Variants in PIGF observed in about 807,000 individuals in gnomAD.
PIGF encodes the protein GPI ethanolamine phosphate transferase, stabilizing subunit.
In PIGF, 23 loss-of-function variants were observed where a neutral mutation model predicts 26.0. The observed-to-expected ratio is 0.88, with a 90% confidence interval of 0.64 to 1.25. The LOEUF (loss-of-function observed/expected upper bound fraction) is 1.25, where lower values mean the gene tolerates loss of function less well. Ranked by LOEUF, PIGF falls within the 50% of genes most tolerant of loss-of-function variation. The pLI is 0.00. For synonymous variants in PIGF, 93 were observed against 92.6 expected (o/e 1.00, Z -0.03); for missense variants, 278 against 249.9 (o/e 1.11, Z -0.76).
intron 4 of PIGF, among the ~76,000 whole-genome samples, chr2:46,610,865 A>G (rs1016592857): frequency 2.6e-5 from 4 of 152,154 alleles, no homozygotes; most frequent in Non-Finnish European, 5.9e-5. Context: ...TAAGTCGGTA[A>G]TTTATGAAGC....
At chr2:46,585,779 C>CT (rs141047970) in intron 5 of PIGF, among the ~76,000 whole-genome samples, 2,188 of 146,434 alleles carry the variant, frequency 0.015, 20 homozygotes, top group Non-Finnish European at 0.024. Context: ...AAGCAATCAT[C>CT]TTTTTTTTTT....
intron 5 of PIGF, among the ~76,000 whole-genome samples, chr2:46,590,321 A>C (rs908484332): frequency 6.6e-6 from 1 of 152,158 alleles, no homozygotes; most frequent in African/African-American, 2.4e-5. Context: ...ATCAGCTAAA[A>C]GCCTGAACAA....
At chr2:46,593,845 C>G (rs1256598431) in intron 4 of PIGF, among the ~76,000 whole-genome samples, 3 of 152,196 alleles carry the variant, frequency 2.0e-5, no homozygotes, top group Non-Finnish European at 4.4e-5. Flanking sequence ...CCAATTATTA[C>G]ACGCAAAATG....
chr2:46,613,264 A>T (rs1385660180), intron 3 of PIGF, among the ~76,000 whole-genome samples: 2 of 152,200 alleles, frequency 1.3e-5, no homozygotes, highest in African/African-American at 4.8e-5. Flanking sequence ...CCTTTAAACT[A>T]TAAACACCAG....
rs7589801 is a variant in PIGF, at chr2:46,589,103, A to C, written c.546+3372T>G. On this transcript the variant is annotated intron_variant, in intron 5 of 5. Coordinates refer to ENST00000281382, the MANE Select transcript of PIGF (RefSeq NM_002643.4). This position sits in a 1 kb window ranked among gnomAD's most constrained non-coding sequence, Gnocchi z 4.7. ...AAGGTAGAGGCAAGAAGATGACTTT[A>C]AAGTATTAAAACAACAACAAAGATG... is the stretch of plus-strand genomic sequence containing the variant. Among the ~76,000 whole-genome samples, 81,133 of 151,852 alleles carry C rather than the reference A, an allele frequency of 0.53. 22,525 individuals carry two copies. Among genetic ancestry groups the C allele is most frequent in the African/African-American group, 0.68 (28,235 of 41,428 alleles).
chr2:46,596,212 CAAA>C (rs544010392), intron 4 of PIGF, among the ~76,000 whole-genome samples: 7 of 102,832 alleles, frequency 6.8e-5, no homozygotes, highest in Admixed American at 1.1e-4. Context: ...GACCCCATCT[CAAA>C]AAAAAAAAAA....
At chr2:46,585,751 C>G (rs1009996794) in intron 5 of PIGF, among the ~76,000 whole-genome samples, 6 of 152,080 alleles carry the variant, frequency 3.9e-5, no homozygotes, top group African/African-American at 1.4e-4. Context: ...GTGGTAGGAA[C>G]TATTCTTTAC....
rs867406638 is a variant in PIGF at position 46,614,807 on chromosome 2, G to T, written c.228+130C>A. ...CCACCAAGTAACAGCCTACCAATTT[G>T]GGGGGAAAAATATCAGGTTCCCTTT... is the stretch of plus-strand genomic sequence containing the variant. On this transcript the variant is annotated intron_variant, in intron 2 of 5. Coordinates refer to ENST00000281382, the MANE Select transcript of PIGF (RefSeq NM_002643.4). 1.7e-5 allele frequency: 10 copies of T among 584,152 alleles called. 1 individual carries two copies. The Middle Eastern group carries it at 1.3e-3, about 78-fold the overall frequency. 36.2% of individuals were successfully genotyped at this position (584,152 alleles called of 1,614,324 possible). A position where few individuals can be genotyped will look rare whatever the true frequency, so the allele number is the denominator to read the frequency against.
At chr2:46,613,037 T>C (rs990884175) in intron 3 of PIGF, among the ~76,000 whole-genome samples, 2 of 135,024 alleles carry the variant, frequency 1.5e-5, no homozygotes, top group East Asian at 2.0e-4. Context: ...CGTAAAACTA[T>C]GTATAAATAT....
intron 4 of PIGF, among the ~76,000 whole-genome samples, chr2:46,609,701 G>A (rs967491388): frequency 1.3e-5 from 2 of 152,112 alleles, no homozygotes; most frequent in African/African-American, 2.4e-5. Flanking sequence ...GGGAGAGAGA[G>A]GGAGGGTGGG....
intron 4 of PIGF, among the ~76,000 whole-genome samples, chr2:46,594,857 T>C (rs2104087932): frequency 6.7e-6 from 1 of 149,840 alleles, no homozygotes; most frequent in East Asian, 2.0e-4. Flanking sequence ...TTTTTGTTTG[T>C]TTTTGTTTTT....
In PIGF at chr2:46,612,358, A is replaced by T; in HGVS notation, c.321-14T>A. 2 of 1,011,424 alleles carry T rather than the reference A, an allele frequency of 2.0e-6. No homozygotes were observed. Among genetic ancestry groups the T allele is most frequent in the South Asian group, 1.6e-5 (1 of 60,622 alleles). The allele number at this position is 1,011,424 out of a possible 1,614,324, so 62.7% of individuals were successfully genotyped here. A position where few individuals can be genotyped will look rare whatever the true frequency, so the allele number is the denominator to read the frequency against. On this transcript the variant is annotated splice_polypyrimidine_tract_variant and intron_variant, in intron 3 of 5. Coordinates refer to ENST00000281382, the MANE Select transcript of PIGF (RefSeq NM_002643.4). ...TCCAATGCCAACCTAGAAAAAAAAAAAGATTACTTTTTAAAAAAGTGTTAA... is the reference window on the plus strand; with the variant it reads ...TCCAATGCCAACCTAGAAAAAAAAATAGATTACTTTTTAAAAAAGTGTTAA...
intron 4 of PIGF, among the ~76,000 whole-genome samples, chr2:46,610,207 T>G (rs1240732134): frequency 1.3e-5 from 2 of 152,218 alleles, no homozygotes; most frequent in East Asian, 3.8e-4. Context: ...ACTGCCCATT[T>G]TGTACAGCGT....
At chr2:46,613,038 G>GTGTAAA (rs1483786781) in intron 3 of PIGF, among the ~76,000 whole-genome samples, 2 of 129,574 alleles carry the variant, frequency 1.5e-5, no homozygotes, top group African/African-American at 5.3e-5. Context: ...GTAAAACTAT[G>GTGTAAA]TATAAATATA....
intron 4 of PIGF, among the ~76,000 whole-genome samples, chr2:46,608,337 T>C (rs1670289088): frequency 6.6e-6 from 1 of 152,234 alleles, no homozygotes; most frequent in African/African-American, 2.4e-5. Context: ...CAGTCACATC[T>C]TCAGGCTCCT....
At chr2:46,601,401 C>T (rs1021516150) in intron 4 of PIGF, among the ~76,000 whole-genome samples, 1 of 152,056 alleles carries the variant, frequency 6.6e-6, no homozygotes, top group Non-Finnish European at 1.5e-5. Flanking sequence ...TTTTGAGTGC[C>T]TACTACGTGC....
intron 3 of PIGF, among the ~76,000 whole-genome samples, chr2:46,613,397 T>C (rs781099342): frequency 6.6e-6 from 1 of 152,150 alleles, no homozygotes; most frequent in African/African-American, 2.4e-5. Context: ...ATAATCATAG[T>C]AAGTTCTTTC....
intron 4 of PIGF, among the ~76,000 whole-genome samples, chr2:46,603,817 AC>A (rs1448088357): frequency 6.6e-6 from 1 of 152,062 alleles, no homozygotes; most frequent in Non-Finnish European, 1.5e-5. Context: ...CTTGAATAAT[AC>A]CCCACAAGCA....
chr2:46,601,561 T>C (rs970994420), intron 4 of PIGF, among the ~76,000 whole-genome samples: 2 of 152,120 alleles, frequency 1.3e-5, no homozygotes, highest in African/African-American at 4.8e-5. Context: ...CAACTCCTCC[T>C]AGTGGCTAAA....
Sources: gnomAD v4.1 joint callset for allele counts (sites outside exome capture counted in the v4.1 genomes callset) on GRCh38, gnomAD v4.1.1 for gene constraint, Gnocchi (gnomAD v3.1) non-coding constraint, MANE v1.5 for transcripts, NCBI Gene and HGNC (gene_info 2026-07-23, HGNC 2026-07-21) for gene names.